Variants in PLD5 observed in about 807,000 individuals in gnomAD.
PLD5 encodes the protein phospholipase D family member 5, also known as inactive phospholipase D5.
In PLD5, 36 loss-of-function variants were observed where a neutral mutation model predicts 61.1. The ratio of observed to expected loss-of-function variants is 0.59; its 90% CI spans 0.45 to 0.78. The LOEUF (loss-of-function observed/expected upper bound fraction) is 0.78. Ranked by LOEUF, PLD5 falls within the 30% of genes least tolerant of loss-of-function variation. The pLI is 0.00. For missense variants in PLD5, 515 were observed against 644.4 expected (o/e 0.80, Z 2.17); for synonymous variants, 243 against 242.8 (o/e 1.00, Z -0.01).
At chr1:242,142,109 G>T (rs976499164) in intron 5 of PLD5, among the ~76,000 whole-genome samples, 26 of 152,180 alleles carry the variant, frequency 1.7e-4, no homozygotes, top group Non-Finnish European at 2.1e-4. Context: ...GACACAGAGG[G>T]GAGAGAGAGG....
intron 4 of PLD5, among the ~76,000 whole-genome samples, chr1:242,246,231 T>C (rs1313383255): frequency 1.3e-5 from 2 of 151,994 alleles, no homozygotes; most frequent in Non-Finnish European, 1.5e-5. Context: ...CCAAGCATGA[T>C]GGCATGTGCC....
chr1:242,176,003 A>G (rs1438089763), intron 5 of PLD5, among the ~76,000 whole-genome samples: 1 of 152,218 alleles, frequency 6.6e-6, no homozygotes, highest in Non-Finnish European at 1.5e-5. Context: ...GAAAATGGCC[A>G]TACTGCCCAA....
At chr1:242,098,855 T>C (rs908953293) in intron 9 of PLD5, among the ~76,000 whole-genome samples, 1 of 152,120 alleles carries the variant, frequency 6.6e-6, no homozygotes, top group Non-Finnish European at 1.5e-5. Context: ...GTATCAGCAG[T>C]GGAGGCTGCA....
At chr1:242,388,708 T>A (rs1662741535) in intron 1 of PLD5, among the ~76,000 whole-genome samples, 1 of 151,820 alleles carries the variant, frequency 6.6e-6, no homozygotes, top group Non-Finnish European at 1.5e-5. Context: ...AAAAAATCAT[T>A]GAGATTGGGA....
At chr1:242,201,415 A>T (rs902351206) in intron 5 of PLD5, among the ~76,000 whole-genome samples, 15 of 152,248 alleles carry the variant, frequency 9.9e-5, no homozygotes, top group South Asian at 2.1e-4. Context: ...ACAGGGCAAT[A>T]AAATCAGCTA....
In PLD5 at chr1:242,440,716, C is replaced by T. The variant is rs192195680; in HGVS notation, c.189+83372G>A. On this transcript the variant is annotated intron_variant, in intron 1 of 9. Coordinates refer to ENST00000536534, the MANE Select transcript of PLD5 (RefSeq NM_001372062.1). ...GACTCATCCACAGACTTCTCTTCCT[C>T]CTCTTCCAGCCTTCTTAACTCACAG... is the stretch of plus-strand genomic sequence containing the variant. 7.9e-5 allele frequency among the ~76,000 whole-genome samples: 12 copies of T among 152,348 alleles called. No individual in the cohort carries two copies. The East Asian group carries it at 2.3e-3, about 29-fold the overall frequency.
chr1:242,449,534 GC>G, intron 1 of PLD5: 1 of 1,461,618 alleles, frequency 6.8e-7, no homozygotes, highest in Non-Finnish European at 9.0e-7. Context: ...TTGGAAATCA[GC>G]CAAACTGAGC....
rs879619255 is a variant in PLD5, at chr1:242,372,607, C to A, written c.190-24365G>T. 3.3e-5 allele frequency among the ~76,000 whole-genome samples: 5 copies of A among 152,100 alleles called. No homozygotes were observed. The South Asian group carries it at 6.2e-4, about 19-fold the overall frequency. ...TACCAAAACAGAGATATAGACCAATCAAACAGAACAGAGCCCTCAGAAATA... is the reference window on the plus strand; with the variant it reads ...TACCAAAACAGAGATATAGACCAATAAAACAGAACAGAGCCCTCAGAAATA... On this transcript the variant is annotated intron_variant, in intron 1 of 9. Coordinates refer to ENST00000536534, the MANE Select transcript of PLD5 (RefSeq NM_001372062.1).
chr1:242,390,222 G>A (rs1662849722), intron 1 of PLD5, among the ~76,000 whole-genome samples: 1 of 151,942 alleles, frequency 6.6e-6, no homozygotes, highest in Non-Finnish European at 1.5e-5. Context: ...ACCATACCTG[G>A]CTAATTTTTA....
At chr1:242,207,906 A>T (rs1175186358) in intron 5 of PLD5, among the ~76,000 whole-genome samples, 4 of 18,660 alleles carry the variant, frequency 2.1e-4, no homozygotes, top group African/African-American at 7.1e-4. Context: ...TTATATATTT[A>T]TATATATTTA....
chr1:242,317,610 G>A (rs1658102629), intron 2 of PLD5, among the ~76,000 whole-genome samples: 1 of 151,856 alleles, frequency 6.6e-6, no homozygotes, highest in Admixed American at 6.6e-5. Flanking sequence ...CCTATTACTT[G>A]TTCAATCTCT....
rs377099009 is a variant in PLD5, at chr1:242,219,159, T to C, written c.735+829A>G. Among the ~76,000 whole-genome samples the C allele has an allele frequency of 5.0e-4, 76 of 152,340 alleles. No individual in the cohort carries two copies. In the South Asian group the frequency reaches 0.015, roughly 29 times the overall value. ...ATCTGTTCTAATGCATAGGTCCTGC[T>C]AAGCAATGCTTTATGTCACACTGAG... On this transcript the variant is annotated intron_variant, in intron 5 of 9. Coordinates refer to ENST00000536534, the MANE Select transcript of PLD5 (RefSeq NM_001372062.1).
intron 1 of PLD5, among the ~76,000 whole-genome samples, chr1:242,487,702 C>A (rs144636653): frequency 6.6e-6 from 1 of 152,004 alleles, no homozygotes; most frequent in South Asian, 2.1e-4. Context: ...TGATAACAAC[C>A]AACCAAATTT....
intron 4 of PLD5, among the ~76,000 whole-genome samples, chr1:242,222,222 T>C (rs576083037): frequency 6.6e-6 from 1 of 152,140 alleles, no homozygotes; most frequent in African/African-American, 2.4e-5. Context: ...ATTACATCTG[T>C]AAAATCCCCA....
intron 4 of PLD5, among the ~76,000 whole-genome samples, chr1:242,238,238 A>G (rs1671764784): frequency 6.6e-6 from 1 of 152,200 alleles, no homozygotes; most frequent in Admixed American, 6.5e-5. Context: ...ATTCTGATCA[A>G]GACAATGCAG....
chr1:242,161,929 A>T (rs1391942341), intron 5 of PLD5, among the ~76,000 whole-genome samples: 1 of 152,190 alleles, frequency 6.6e-6, no homozygotes, highest in Admixed American at 6.5e-5. Flanking sequence ...GGATCCTTGC[A>T]AGCTGGACAT....
intron 1 of PLD5, among the ~76,000 whole-genome samples, chr1:242,425,561 T>C (rs1384330639): frequency 1.3e-5 from 2 of 152,206 alleles, no homozygotes; most frequent in East Asian, 3.9e-4. Context: ...TTATAAATAC[T>C]ATATGCTTAG....
intron 1 of PLD5, among the ~76,000 whole-genome samples, chr1:242,399,836 G>A (rs1027897373): frequency 6.6e-6 from 1 of 152,154 alleles, no homozygotes; most frequent in Non-Finnish European, 1.5e-5. Context: ...AAACCCTACT[G>A]TGAACTGTGT....
intron 1 of PLD5, among the ~76,000 whole-genome samples, chr1:242,476,393 A>G (rs544017250): frequency 6.6e-6 from 1 of 151,980 alleles, no homozygotes; most frequent in Admixed American, 6.5e-5. Flanking sequence ...AACCCCCCCA[A>G]ATGGAGCGTT....
Sources: allele counts gnomAD v4.1 joint callset (sites outside exome capture counted in the v4.1 genomes callset), GRCh38; gene constraint gnomAD v4.1.1; transcripts MANE v1.5; gene names NCBI Gene and HGNC (gene_info 2026-07-23, HGNC 2026-07-21).